The following PDIA2 variants were observed in gnomAD, a reference collection of about 807,000 sequenced individuals.
PDIA2 encodes protein disulfide isomerase family A member 2.
In PDIA2, 76 loss-of-function variants were observed where a neutral mutation model predicts 51.1. The observed-to-expected ratio is 1.49, with a 90% CI of 1.24 to 1.80. The LOEUF (loss-of-function observed/expected upper bound fraction) is 1.80, where lower values mean the gene tolerates loss of function less well. PDIA2 is among the 40% of genes most tolerant of loss of function. The pLI, the probability that PDIA2 is intolerant of heterozygous loss-of-function variation, is 0.00. For missense variants in PDIA2, 946 were observed against 706.5 expected (o/e 1.34, Z -3.84); for synonymous variants, 429 against 309.9 (o/e 1.38, Z -4.04).
Position 284,784 on chromosome 16 carries a change from T to C in PDIA2, c.532T>C (p.Phe178Leu). ...TGGCCGGGACCTAGTGGTCATTGGCTTCTTCCAGGTGAGCCACTGGGCATG... is the reference window on the plus strand; with the variant it reads ...TGGCCGGGACCTAGTGGTCATTGGCCTCTTCCAGGTGAGCCACTGGGCATG... ...IGGRDLVVIGFFQDLQDEDVA... is the reference protein window; with the variant it reads ...IGGRDLVVIGLFQDLQDEDVA... The change falls in exon 3 of 11, where the codon TTC becomes CTC. Residue 178 changes from phenylalanine (F) to leucine (L), a missense_variant. By Grantham distance (22) the Phe-to-Leu change is conservative (BLOSUM62 0). Coordinates refer to ENST00000219406, the MANE Select transcript of PDIA2 (RefSeq NM_006849.4). The C allele has an allele frequency of 6.4e-7, 1 of 1,571,474 alleles. No homozygotes were observed. Among genetic ancestry groups the C allele is most frequent in the Non-Finnish European group, 8.6e-7 (1 of 1,162,208 alleles).
At chr16:284,139 A>C in intron 1 of PDIA2, 1 of 569,310 alleles carries the variant, frequency 1.8e-6, no homozygotes. Context: ...AAGTGCTGGG[A>C]TTACTGGCGT....
rs1180891606 is a variant in PDIA2, at chr16:283,271, A to G, written c.102A>G (p.Pro34=). ...QGARSPSEEP[P]EEEIPKEDGI... Reference sequence around the variant, plus strand: ...CGAGGAGCCCCTCGGAGGAGCCTCCAGAGGAGGAAATCCCCAAGGAGGATG... The same window carrying G: ...CGAGGAGCCCCTCGGAGGAGCCTCCGGAGGAGGAAATCCCCAAGGAGGATG... The change falls in exon 1 of 11, where the codon CCA becomes CCG. Residue 34 remains proline (P), a synonymous_variant. Transcript: ENST00000219406. The G allele has an allele frequency of 2.5e-6, 4 of 1,610,560 alleles. No homozygotes were observed. The highest frequency in any genetic ancestry group is 1.7e-5 in the Admixed American group (1 of 59,788).
rs1046177390 is a variant in PDIA2, at chr16:286,902, TGCCCACGGAGGAGCCCCCGGAGGAGCCA to T, written c.1493_1520del (p.Pro498GlnfsTer47). ...AAGTTCCTGGACAACGGGGGCGTGC[TGCCCACGGAGGAGCCCCCGGAGGAGCCA>T]GCAGCCCCGTTCCCGGTGGGTGTCC... On this transcript the variant is annotated frameshift_variant, in exon 10 of 11. Coordinates refer to ENST00000219406, the MANE Select transcript of PDIA2 (RefSeq NM_006849.4). LOFTEE classifies it low-confidence loss of function (END_TRUNC). The T allele has an allele frequency of 4.4e-6, 7 of 1,602,024 alleles. No homozygotes were observed. The highest frequency in any genetic ancestry group is 6.0e-6 in the Non-Finnish European group (7 of 1,176,244).
Position 286,823 on chromosome 16 carries a change from G to A in PDIA2, c.1423-12G>A, listed in dbSNP as rs1195402528. The A allele has an allele frequency of 2.2e-5, 35 of 1,611,076 alleles. No individual in the cohort carries two copies. The Admixed American group carries it at 5.7e-4, about 26-fold the overall frequency. ...CCCCACGTGTCCTCCAGATCCCCCT[G>A]CCTCTTCTCAGGTGATTGAATACAA... On this transcript the variant is annotated splice_polypyrimidine_tract_variant and intron_variant, in intron 9 of 10. Transcript: ENST00000219406.
At chr16:284,293 G>C in intron 1 of PDIA2, 94 bp from the exon 2 acceptor site, 6 of 1,271,924 alleles carry the variant, frequency 4.7e-6, no homozygotes, top group Non-Finnish European at 6.6e-6. Context: ...GGGCAGAATG[G>C]AGCAGCACGC....
chr16:285,837 TCTC>T, intron 7 of PDIA2, 134 bp downstream of exon 7: 2 of 993,282 alleles, frequency 2.0e-6, no homozygotes, highest in South Asian at 1.6e-5. Context: ...ACCCGGCAAT[TCTC>T]CCAACCCGGC....
rs199529442 is a variant in PDIA2, at chr16:285,686, C to G, written c.1102C>G (p.Leu368Val). ...CATCACTGCTTTCTGCCATGCAGTC[C>G]TCAACGGCCAAGTCAAGGTCCGCTG... ...ASITAFCHAVLNGQVKPYLLS... is the reference protein window; with the variant it reads ...ASITAFCHAVVNGQVKPYLLS... Residue 368 changes from leucine (L) to valine (V), a missense_variant, in exon 7 of 11, where the codon CTC becomes GTC. Leu to Val is a conservative substitution (Grantham distance 32). Coordinates refer to ENST00000219406, the MANE Select transcript of PDIA2 (RefSeq NM_006849.4). 3.0e-5 allele frequency: 48 copies of G among 1,612,934 alleles called. No homozygotes were observed. The highest frequency in any genetic ancestry group is 3.8e-5 in the Non-Finnish European group (45 of 1,179,918).
In PDIA2 at chr16:284,899, G is replaced by A. The variant is rs141542731; in HGVS notation, c.562G>A (p.Ala188Thr). ...FFQDLQDEDVATFLALAQDAL... is the reference protein window; with the variant it reads ...FFQDLQDEDVTTFLALAQDAL... The stretch of plus-strand genomic sequence containing the variant: ...TCAGGACCTGCAGGACGAGGACGTG[G>A]CCACCTTCTTGGCCTTGGCCCAGGA... The change falls in exon 4 of 11, where the codon GCC (alanine) becomes ACC (threonine). Residue 188 changes from alanine to threonine, a missense_variant. Transcript: ENST00000219406. 0.01 allele frequency: 16,236 copies of A among 1,612,780 alleles called. 92 individuals are homozygous for A. Among genetic ancestry groups the A allele is most frequent in the Non-Finnish European group, 0.013 (14,792 of 1,179,708 alleles).
chr16:286,685 G>C lies in PDIA2; in HGVS notation c.1372G>C (p.Val458Leu). ...GGCCAACGAGCTGGATGCCTTCGCT[G>C]TGCACGGCTTCCCTACTCTCAAGTA... Reference protein sequence around the residue: ...ATANELDAFAVHGFPTLKYFP... With the variant: ...ATANELDAFALHGFPTLKYFP... Residue 458 changes from valine to leucine, a missense_variant, in exon 9 of 11, where the codon GTG becomes CTG. Transcript: ENST00000219406. The C allele has an allele frequency of 3.1e-6, 5 of 1,612,474 alleles. No individual in the cohort carries two copies. Among genetic ancestry groups the C allele is most frequent in the Non-Finnish European group, 4.2e-6 (5 of 1,179,984 alleles).
chr16:284,175 G>T (rs914609544), intron 1 of PDIA2: 4 of 605,104 alleles, frequency 6.6e-6, no homozygotes. Context: ...GCTGTGGGGG[G>T]AGGGGGGGTG....
Position 286,945 on chromosome 16 carries a change from G to A in PDIA2, c.1533G>A (p.Pro511=), listed in dbSNP as rs571293134. The A allele has an allele frequency of 5.6e-5, 90 of 1,600,434 alleles. No individual in the cohort carries two copies. The highest frequency in any genetic ancestry group is 3.3e-4 in the Middle Eastern group (2 of 5,992). The change falls in exon 10 of 11, where the codon CCG becomes CCA. Residue 511 remains proline (P), a splice_region_variant and synonymous_variant. Transcript: ENST00000219406. ...CGGAGGAGCCAGCAGCCCCGTTCCC[G>A]GTGGGTGTCCCTAAGCCAGGGCTCC... ...EPPEEPAAPF[P]EPPANSTMGS... is the part of the protein sequence containing the mutation.
At position 285,597 on chromosome 16, in the gene PDIA2, T is replaced by G. The variant is rs2052345712; in HGVS notation, c.1013T>G (p.Leu338Trp). 6.2e-7 allele frequency: 1 copy of G among 1,613,218 alleles called. No homozygotes were observed. The highest frequency in any genetic ancestry group is 8.5e-7 in the Non-Finnish European group (1 of 1,179,948). Reference protein sequence around the residue: ...LKAEAAPTLRLVNLETTKKYA... With the variant: ...LKAEAAPTLRWVNLETTKKYA... ...GCTGAGGCAGCCCCCACTCTGCGCT[T>G]GGTCAACCTTGAAACCACTAAGAAG... The change falls in exon 7 of 11, where the codon TTG (leucine) becomes TGG (tryptophan). Residue 338 changes from leucine to tryptophan, a missense_variant. Transcript: ENST00000219406.
intron 1 of PDIA2, 136 bp downstream of exon 1, chr16:283,504 C>T (rs1326835663): frequency 8.4e-6 from 8 of 952,912 alleles, no homozygotes; most frequent in African/African-American, 1.7e-5. Context: ...CCCACTGTGC[C>T]CAGGAGCTCT....
At position 283,219 on chromosome 16, in the gene PDIA2, C is replaced by T. The variant is rs762917912; in HGVS notation, c.50C>T (p.Ser17Leu). The T allele has an allele frequency of 1.2e-5, 19 of 1,607,608 alleles. No homozygotes were observed. Among genetic ancestry groups the T allele is most frequent in the Admixed American group, 1.0e-4 (6 of 59,504 alleles). Reference protein sequence around the residue: ...PVLLLLLLRASCPWGQEQGAR... With the variant: ...PVLLLLLLRALCPWGQEQGAR... ...CTGCTGCTGCTGCTGCTCAGGGCTT[C>T]GTGCCCATGGGGTCAGGAACAGGGA... is the stretch of plus-strand genomic sequence containing the variant. The change falls in exon 1 of 11, where the codon TCG becomes TTG. Residue 17 changes from serine to leucine, a missense_variant. Physicochemically the swap from Ser to Leu is moderately radical, Grantham distance 145. Transcript: ENST00000219406.
chr16:285,530 G>A lies in PDIA2; in HGVS notation c.946G>A (p.Ala316Thr), dbSNP rs145351921. The change falls in exon 7 of 11, where the codon GCG becomes ACG. Residue 316 changes from alanine (A) to threonine (T), a missense_variant. By Grantham distance (58) the Ala-to-Thr change is moderately conservative (BLOSUM62 0). Coordinates refer to ENST00000219406, the MANE Select transcript of PDIA2 (RefSeq NM_006849.4). ...GQVLFVVVDV[A>T]ADNEHVLQYF... ...GGTGCTGTTCGTGGTGGTGGACGTG[G>A]CGGCCGACAATGAGCACGTGCTGCA... is the stretch of plus-strand genomic sequence containing the variant. 2 of 1,612,874 alleles carry A rather than the reference G, an allele frequency of 1.2e-6. No individual in the cohort carries two copies. Among genetic ancestry groups the A allele is most frequent in the Admixed American group, 1.7e-5 (1 of 59,998 alleles).
At position 284,459 on chromosome 16, in the gene PDIA2, A is replaced by T; in HGVS notation, c.272A>T (p.Glu91Val). 8 of 1,603,192 alleles carry T rather than the reference A, an allele frequency of 5.0e-6. No individual in the cohort carries two copies. Among genetic ancestry groups the T allele is most frequent in the Non-Finnish European group, 6.8e-6 (8 of 1,176,070 alleles). Residue 91 changes from glutamate to valine, a missense_variant, in exon 2 of 11, where the codon GAG becomes GTG. Transcript: ENST00000219406. ...AAGGCAGCTGCCGTGCTCGCGGCCGAGTCAATGGTGGTCACGCTGGCCAAG... is the reference window on the plus strand; with the variant it reads ...AAGGCAGCTGCCGTGCTCGCGGCCGTGTCAATGGTGGTCACGCTGGCCAAG... ...YSKAAAVLAA[E>V]SMVVTLAKVD...
At position 286,618 on chromosome 16, in the gene PDIA2, C is replaced by T; in HGVS notation, c.1305C>T (p.Tyr435=). Residue 435 remains tyrosine, a synonymous_variant, in exon 9 of 11, where the codon TAC becomes TAT. Transcript: ENST00000219406. Reference sequence around the variant, plus strand: ...CCTGGGAGGCATTGGCTGAGAAGTACCAAGACCACGAGGACATCATCATTG... The same window carrying T: ...CCTGGGAGGCATTGGCTGAGAAGTATCAAGACCACGAGGACATCATCATTG... ...APAWEALAEK[Y]QDHEDIIIAE... The T allele has an allele frequency of 6.2e-7, 1 of 1,612,900 alleles. No individual in the cohort carries two copies. The highest frequency in any genetic ancestry group is 8.5e-7 in the Non-Finnish European group (1 of 1,179,986).
rs561496001 is a variant in PDIA2, at chr16:284,994, C to T, written c.657C>T (p.Asp219=). ...TTCAGCAGTTTGGCCTCACCAAGGACACTGTGGTTCTCTTCAAGAAGGTAG... is the reference window on the plus strand; with the variant it reads ...TTCAGCAGTTTGGCCTCACCAAGGATACTGTGGTTCTCTTCAAGAAGGTAG... The part of the protein sequence containing the change: ...RLFQQFGLTK[D]TVVLFKKFDE... Residue 219 remains aspartate (D), a synonymous_variant, in exon 4 of 11, where the codon GAC becomes GAT. Transcript: ENST00000219406. The T allele has an allele frequency of 2.5e-6, 4 of 1,613,434 alleles. No individual in the cohort carries two copies. The African/African-American group carries it at 4.0e-5, about 16-fold the overall frequency.
At chr16:284,627 G>A (rs2052329105) in intron 2 of PDIA2, 32 bp from the exon 3 acceptor site, 1 of 1,604,892 alleles carries the variant, frequency 6.2e-7, no homozygotes. Context: ...GGGGGCGGTG[G>A]CCAGGCCGAG....
Sources: gnomAD v4.1 joint callset for allele counts on GRCh38, gnomAD v4.1.1 for gene constraint, MANE v1.5 for transcripts, NCBI Gene and HGNC (gene_info 2026-07-23, HGNC 2026-07-21) for gene names.